The following TSHZ3 variants were observed in gnomAD, a reference collection of about 807,000 sequenced individuals.
TSHZ3 encodes teashirt zinc finger homeobox 3, also known as teashirt homolog 3.
In TSHZ3, 10 loss-of-function variants were observed where a neutral mutation model predicts 64.5. The observed-to-expected ratio is 0.16, with a 90% CI of 0.10 to 0.26. The LOEUF is 0.26. Ranked by LOEUF, TSHZ3 falls within the 10% of genes least tolerant of loss-of-function variation. The pLI is 1.00. For synonymous variants in TSHZ3, 608 were observed against 593.1 expected (o/e 1.03, Z -0.36); for missense variants, 1,242 against 1,421.7 (o/e 0.87, Z 2.03).
chr19:31,168,465 T>C (rs936385966), intron 5 of TSHZ3, among the ~76,000 whole-genome samples: 2 of 152,226 alleles, frequency 1.3e-5, no homozygotes, highest in Non-Finnish European at 2.9e-5. Context: ...AAATTCACCC[T>C]TTCAAGATTG....
rs182750768 is a variant in TSHZ3 at position 31,153,663 on chromosome 19, A to G, written n.872-1919T>C. Among the ~76,000 whole-genome samples, 48 of 152,344 alleles carry G rather than the reference A, an allele frequency of 3.2e-4. 1 individual carries two copies. The highest frequency in any genetic ancestry group is 1.1e-3 in the African/African-American group (47 of 41,590). On this transcript the variant is annotated intron_variant and non_coding_transcript_variant, in intron 6 of 6. Coordinates refer to the TSHZ3 transcript ENST00000651361. ...CTTATTTATTGTCTTCCAGAGCAAG[A>G]GCTTTGTCCTTCTTGTTTGCTATGG...
intron 3 of TSHZ3, among the ~76,000 whole-genome samples, chr19:31,234,024 A>G (rs1169868977): frequency 1.3e-5 from 2 of 151,452 alleles, no homozygotes; most frequent in African/African-American, 2.4e-5. Context: ...TCTTAACACT[A>G]TCTAGTCTTC....
chr19:31,295,896 T>C (rs538055275), intron 1 of TSHZ3, among the ~76,000 whole-genome samples: 1 of 148,562 alleles, frequency 6.7e-6, no homozygotes, highest in Admixed American at 6.8e-5. Context: ...GAGCATGATA[T>C]CTAACAGGTG....
At chr19:31,206,521 T>A (rs1260654883) in intron 4 of TSHZ3, among the ~76,000 whole-genome samples, 1 of 152,206 alleles carries the variant, frequency 6.6e-6, no homozygotes, top group African/African-American at 2.4e-5. Context: ...GCAAAATCCT[T>A]GGGCTGCTTC....
intron 6 of TSHZ3, among the ~76,000 whole-genome samples, chr19:31,155,333 G>T (rs757767922): frequency 1.3e-5 from 2 of 152,220 alleles, no homozygotes; most frequent in Non-Finnish European, 2.9e-5. Flanking sequence ...CATAAGGGAT[G>T]CTGGAACTGT....
At chr19:31,214,706 A>C (rs893500929) in intron 4 of TSHZ3, among the ~76,000 whole-genome samples, 1 of 152,046 alleles carries the variant, frequency 6.6e-6, no homozygotes, top group African/African-American at 2.4e-5. Context: ...CAGGAAATCG[A>C]GACCATCCTG....
In TSHZ3 at chr19:31,275,429, CT is replaced by C. The variant is rs57983390; in HGVS notation, c.*1117del. 3,302 of 144,018 alleles carry C rather than the reference CT, an allele frequency of 0.023. 71 individuals carry two copies. Among genetic ancestry groups the C allele is most frequent in the African/African-American group, 0.058 (2,272 of 39,040 alleles). The allele number at this position is 144,018 out of a possible 1,614,324, so 8.9% of individuals were successfully genotyped here. A position where few individuals can be genotyped will look rare whatever the true frequency, so the allele number is the denominator to read the frequency against. On this transcript the variant is annotated 3_prime_UTR_variant, in exon 2 of 2. Transcript: ENST00000240587. ...ATGTTTAGGAAATACAGTACAAGTTCTTTTTTTTTTTTTGTTCTTTTTTTTA... is the reference window on the plus strand; with the variant it reads ...ATGTTTAGGAAATACAGTACAAGTTCTTTTTTTTTTTTGTTCTTTTTTTTA...
intron 5 of TSHZ3, among the ~76,000 whole-genome samples, chr19:31,186,129 C>T (rs936966731): frequency 3.9e-5 from 6 of 152,208 alleles, no homozygotes; most frequent in East Asian, 1.9e-4. Context: ...TCGCGGTGAC[C>T]GTTCTTGTAC....
chr19:31,271,812 GA>G (rs1196582670), downstream of TSHZ3, among the ~76,000 whole-genome samples: 1 of 152,150 alleles, frequency 6.6e-6, no homozygotes, highest in African/African-American at 2.4e-5. Flanking sequence ...ATTACCAAAA[GA>G]ATAACTATCT....
chr19:31,251,847 C>T (rs529254473), intron 1 of TSHZ3, among the ~76,000 whole-genome samples: 89 of 152,328 alleles, frequency 5.8e-4, no homozygotes, highest in African/African-American at 2.0e-3. Context: ...AGAACACTCA[C>T]GCCAGCATCC....
chr19:31,333,947 C>CGT (rs1464689260), intron 1 of TSHZ3, among the ~76,000 whole-genome samples: 4 of 152,208 alleles, frequency 2.6e-5, no homozygotes. Context: ...TCACAAGGAG[C>CGT]GTGTACGTGT....
rs139525915 is a variant in TSHZ3 at position 31,150,484 on chromosome 19, C to T, written n.2132G>A. ...GCATCCACGTGTCTTCTGGCCACAT[C>T]GCATGACATGCATCTGCCCTTTTCA... On this transcript the variant is annotated non_coding_transcript_exon_variant, in exon 7 of 7. Coordinates refer to the TSHZ3 transcript ENST00000651361. Among the ~76,000 whole-genome samples, 51 of 152,338 alleles carry T rather than the reference C, an allele frequency of 3.3e-4. 1 individual carries two copies. The South Asian group carries it at 8.5e-3, about 25-fold the overall frequency.
intron 1 of TSHZ3, among the ~76,000 whole-genome samples, chr19:31,313,222 A>C (rs1013572276): frequency 6.6e-6 from 1 of 152,074 alleles, no homozygotes; most frequent in Non-Finnish European, 1.5e-5. Context: ...TCCACACCCG[A>C]GATTTGGAAG....
At chr19:31,293,154 A>C (rs1229971886) in intron 1 of TSHZ3, among the ~76,000 whole-genome samples, 1 of 152,108 alleles carries the variant, frequency 6.6e-6, no homozygotes, top group Non-Finnish European at 1.5e-5. Context: ...CCCACCCATC[A>C]ACAACCCAAA....
chr19:31,172,007 C>T (rs1599559134), intron 5 of TSHZ3, among the ~76,000 whole-genome samples: 1 of 152,134 alleles, frequency 6.6e-6, no homozygotes. Flanking sequence ...AATGGAGGGT[C>T]CCGTGGTTGG....
rs148917523 is a variant in TSHZ3 at position 31,337,253 on chromosome 19, A to G, written c.40+11927T>C. Among the ~76,000 whole-genome samples, 4 of 152,210 alleles carry G rather than the reference A, an allele frequency of 2.6e-5. 1 individual carries two copies. Among genetic ancestry groups the G allele is most frequent in the Non-Finnish European group, 5.9e-5 (4 of 68,004 alleles). ...GCCCCCAAGATGGATGGCTGCAATA[A>G]ATCATGTCTCCAGCCATAAAACTGA... On this transcript the variant is annotated intron_variant, in intron 1 of 1. Transcript: ENST00000240587.
intron 5 of TSHZ3, among the ~76,000 whole-genome samples, chr19:31,196,975 A>G (rs1480401573): frequency 6.6e-6 from 1 of 152,000 alleles, no homozygotes; most frequent in Non-Finnish European, 1.5e-5. Flanking sequence ...ATTAATATCT[A>G]TAGACAGCTT....
chr19:31,213,941 G>A (rs1975293469), intron 4 of TSHZ3, among the ~76,000 whole-genome samples: 1 of 152,150 alleles, frequency 6.6e-6, no homozygotes, highest in Non-Finnish European at 1.5e-5. Flanking sequence ...ACAATTTAGG[G>A]GGATTTTATT....
intron 1 of TSHZ3, among the ~76,000 whole-genome samples, chr19:31,265,333 G>A (rs1297576320): frequency 7.4e-6 from 1 of 134,426 alleles, no homozygotes; most frequent in Non-Finnish European, 1.5e-5. Context: ...GGAGGCGGAG[G>A]TTGCAGTGAG....
Sources: allele counts gnomAD v4.1 joint callset (sites outside exome capture counted in the v4.1 genomes callset), GRCh38; gene constraint gnomAD v4.1.1; transcripts MANE v1.5; gene names NCBI Gene and HGNC (gene_info 2026-07-23, HGNC 2026-07-21).